Variants in TRPC5 observed in about 807,000 individuals in gnomAD.
TRPC5 encodes the protein short transient receptor potential channel 5.
TRPC5 carries 9 observed loss-of-function variants against 56.5 expected under a neutral mutation model. The ratio of observed to expected loss-of-function variants is 0.16; its 90% CI spans 0.10 to 0.28. The LOEUF (loss-of-function observed/expected upper bound fraction) is 0.28, where lower values mean the gene tolerates loss of function less well. TRPC5 is among the 10% of genes least tolerant of loss of function. The pLI, the probability that TRPC5 is intolerant of heterozygous loss-of-function variation, is 1.00. For missense variants in TRPC5, 469 were observed against 748.9 expected, an observed-to-expected ratio of 0.63 and a Z score of 4.36; for synonymous variants, 282 against 278.5, an observed-to-expected ratio of 1.01 and a Z score of -0.13.
chrX:111,995,343 G>C (rs1928494270), intron 1 of TRPC5, among the ~76,000 whole-genome samples: 1 of 111,802 alleles, frequency 8.9e-6, no homozygotes, highest in Non-Finnish European at 1.9e-5. Flanking sequence ...TAAGCTTTTT[G>C]ATATGCTGCT....
At chrX:111,836,083 T>C (rs938848797) in intron 6 of TRPC5, among the ~76,000 whole-genome samples, 4 of 111,813 alleles carry the variant, frequency 3.6e-5, no homozygotes, top group Non-Finnish European at 7.5e-5. Flanking sequence ...TTGAGCCAGA[T>C]CTCAAATCTA....
At chrX:112,023,327 G>A (rs1325818961) in intron 1 of TRPC5, among the ~76,000 whole-genome samples, 3 of 79,275 alleles carry the variant, frequency 3.8e-5, no homozygotes, top group Non-Finnish European at 7.2e-5. Flanking sequence ...TTTCTTTTTG[G>A]CCTTCTTTTT....
chrX:111,791,052 A>AAAAAC (rs1946017016), intron 7 of TRPC5, among the ~76,000 whole-genome samples: 1 of 89,590 alleles, frequency 1.1e-5, no homozygotes, highest in Non-Finnish European at 2.0e-5. Context: ...AAAAAAAAAA[A>AAAAAC]AGACCTGACC....
At chrX:112,015,228 A>G (rs1220857986) in intron 1 of TRPC5, among the ~76,000 whole-genome samples, 5 of 110,785 alleles carry the variant, frequency 4.5e-5, no homozygotes, top group Non-Finnish European at 7.6e-5. Flanking sequence ...TTTAGGAGAG[A>G]CAGGGGTCTT....
At chrX:111,998,365 G>A (rs1479530066) in intron 1 of TRPC5, among the ~76,000 whole-genome samples, 1 of 111,797 alleles carries the variant, frequency 8.9e-6, no homozygotes, top group Non-Finnish European at 1.9e-5. Flanking sequence ...TAAAATCAAG[G>A]CAATTGGGAT....
intron 2 of TRPC5, among the ~76,000 whole-genome samples, chrX:111,950,526 G>A (rs1304774414): frequency 9.0e-6 from 1 of 110,867 alleles, no homozygotes; most frequent in Non-Finnish European, 1.9e-5. Context: ...ATGGGAAGGG[G>A]GAGAGGAATA....
At chrX:111,875,572 C>CTTTTTTTTTT (rs771241425) in intron 3 of TRPC5, among the ~76,000 whole-genome samples, 10 of 70,451 alleles carry the variant, frequency 1.4e-4, no homozygotes, top group Non-Finnish European at 2.4e-4. Flanking sequence ...TTTTTTCTTT[C>CTTTTTTTTTT]TTTTTTTTTT....
At chrX:112,078,553 T>C (rs916221343) in intron 1 of TRPC5, among the ~76,000 whole-genome samples, 3 of 111,593 alleles carry the variant, frequency 2.7e-5, no homozygotes, top group Non-Finnish European at 5.6e-5. Flanking sequence ...GCTTGTTTCT[T>C]ATCGTTATTT....
At chrX:112,021,294 C>A (rs913439393) in intron 1 of TRPC5, among the ~76,000 whole-genome samples, 1 of 111,476 alleles carries the variant, frequency 9.0e-6, no homozygotes, top group African/African-American at 3.3e-5. Context: ...TATGTCAACC[C>A]ATACAGTAAG....
At chrX:112,047,514 T>C in intron 1 of TRPC5, among the ~76,000 whole-genome samples, 1 of 111,839 alleles carries the variant, frequency 8.9e-6, no homozygotes, top group Admixed American at 9.5e-5. Context: ...TGGTGTATAG[T>C]AGATATGACC....
intron 7 of TRPC5, among the ~76,000 whole-genome samples, chrX:111,825,054 G>A (rs1163969920): frequency 1.8e-5 from 2 of 111,326 alleles, no homozygotes; most frequent in African/African-American, 6.6e-5. Flanking sequence ...ATACGTGTTG[G>A]TTGGGGTACA....
At chrX:111,965,949 GC>G (rs1927554970) in intron 1 of TRPC5, among the ~76,000 whole-genome samples, 1 of 111,698 alleles carries the variant, frequency 9.0e-6, no homozygotes, top group East Asian at 2.8e-4. Flanking sequence ...ACATTCAAAA[GC>G]TAGCAGAAGG....
chrX:111,871,997 A>ATG (rs1359952036), intron 3 of TRPC5, among the ~76,000 whole-genome samples: 1 of 111,731 alleles, frequency 9.0e-6, no homozygotes, highest in Admixed American at 9.4e-5. Flanking sequence ...TAAGGCCAGG[A>ATG]TGCCCCTCAG....
intron 1 of TRPC5, among the ~76,000 whole-genome samples, chrX:112,036,575 T>C (rs1333948819): frequency 8.9e-6 from 1 of 112,304 alleles, no homozygotes; most frequent in Admixed American, 9.4e-5. Flanking sequence ...AAAAGTTTCC[T>C]AATGTGTAGG....
At chrX:111,945,062 A>T (rs1299695174) in intron 2 of TRPC5, among the ~76,000 whole-genome samples, 10 of 110,770 alleles carry the variant, frequency 9.0e-5, no homozygotes, top group African/African-American at 3.0e-4. Context: ...AAACTCCAAG[A>T]TTCTGAATCT....
chrX:112,001,923 C>T (rs1409405399), intron 1 of TRPC5, among the ~76,000 whole-genome samples: 3 of 111,845 alleles, frequency 2.7e-5, no homozygotes, highest in Admixed American at 9.5e-5. Flanking sequence ...TTCTCTCGCA[C>T]GTCACGTTCT....
intron 7 of TRPC5, among the ~76,000 whole-genome samples, chrX:111,826,064 A>G (rs1031517012): frequency 5.3e-5 from 6 of 112,285 alleles, no homozygotes; most frequent in Admixed American, 9.4e-5. Context: ...TATTTTACAG[A>G]GAAGTCAAAT....
chrX:111,994,697 A>G (rs1244421208), intron 1 of TRPC5, among the ~76,000 whole-genome samples: 1 of 111,077 alleles, frequency 9.0e-6, no homozygotes, highest in African/African-American at 3.3e-5. Flanking sequence ...CGATTTGGCT[A>G]TCTGTTTGTC....
At chrX:111,838,216 G>A (rs1454632083) in intron 6 of TRPC5, among the ~76,000 whole-genome samples, 2 of 111,543 alleles carry the variant, frequency 1.8e-5, no homozygotes, top group Admixed American at 1.9e-4. Flanking sequence ...AAATGGGGAG[G>A]GATAGGAAAG....
Sources: allele counts gnomAD v4.1 joint callset (sites outside exome capture counted in the v4.1 genomes callset), GRCh38; gene constraint gnomAD v4.1.1; transcripts MANE v1.5; gene names NCBI Gene and HGNC (gene_info 2026-07-23, HGNC 2026-07-21).